PCDHA1: variants seen among roughly 807,000 people sequenced by gnomAD.
PCDHA1 encodes the protein protocadherin alpha-1.
A neutral mutation model predicts 61.3 loss-of-function variants in PCDHA1; 42 were observed. The observed-to-expected ratio is 0.69, with a 90% CI of 0.54 to 0.89. The LOEUF is 0.89. PCDHA1 is among the 40% of genes least tolerant of loss of function. The pLI is 0.00. For missense variants in PCDHA1, 1,256 were observed against 1,235.3 expected, an observed-to-expected ratio of 1.02 and a Z score of -0.25; for synonymous variants, 610 against 553.8, an observed-to-expected ratio of 1.10 and a Z score of -1.43.
chr5:141,011,237 A>G lies in PCDHA1; in HGVS notation c.*1300A>G, dbSNP rs562746586. Reference sequence around the variant, plus strand: ...GATTTTTCAATCTACTAATTCTGTGACTTGTCTTGGTGTGCTAGCCTACAC... The same window carrying G: ...GATTTTTCAATCTACTAATTCTGTGGCTTGTCTTGGTGTGCTAGCCTACAC... On this transcript the variant is annotated 3_prime_UTR_variant, in exon 4 of 4. Transcript: ENST00000504120. The G allele has an allele frequency of 6.5e-6, 1 of 153,754 alleles. No homozygotes were observed. Among genetic ancestry groups the G allele is most frequent in the South Asian group, 2.1e-4 (1 of 4,812 alleles). The allele number at this position is 153,754 out of a possible 1,614,324, so 9.5% of individuals were successfully genotyped here.
At chr5:140,938,876 AAC>A (rs142461507) in intron 1 of PCDHA1, among the ~76,000 whole-genome samples, 10 of 151,120 alleles carry the variant, frequency 6.6e-5, no homozygotes, top group Non-Finnish European at 1.3e-4. Flanking sequence ...GTTAAGAAGC[AAC>A]ACACACACAC....
chr5:140,802,431 C>G (rs782361767), intron 1 of PCDHA1: 10 of 1,614,104 alleles, frequency 6.2e-6, no homozygotes, highest in African/African-American at 1.3e-5. Context: ...GCTGGACAGC[C>G]CTCTGGACCG....
chr5:140,887,787 C>T (rs782343895), intron 1 of PCDHA1, among the ~76,000 whole-genome samples: 8 of 152,080 alleles, frequency 5.3e-5, no homozygotes, highest in African/African-American at 9.7e-5. Flanking sequence ...GTCATTGAAG[C>T]GTTCTTTATT....
At chr5:140,798,882 T>G (rs1442402846) in intron 1 of PCDHA1, among the ~76,000 whole-genome samples, 1 of 152,242 alleles carries the variant, frequency 6.6e-6, no homozygotes, top group Non-Finnish European at 1.5e-5. Context: ...TTCTTAGTTA[T>G]TTGCTGTTTA....
chr5:140,801,657 C>G, intron 1 of PCDHA1: 1 of 1,614,150 alleles, frequency 6.2e-7, no homozygotes, highest in Non-Finnish European at 8.5e-7. Context: ...TCGGTTTTCG[C>G]TAGAGGGCGC....
At chr5:140,846,935 A>G (rs2150395961) in intron 1 of PCDHA1, among the ~76,000 whole-genome samples, 1 of 149,782 alleles carries the variant, frequency 6.7e-6, no homozygotes, top group African/African-American at 2.4e-5. Flanking sequence ...TTTTGAAGAA[A>G]TACTTGAAGG....
intron 1 of PCDHA1, chr5:140,829,805 G>A: frequency 6.2e-7 from 1 of 1,613,860 alleles, no homozygotes; most frequent in Non-Finnish European, 8.5e-7. Context: ...TCGGGTGGGT[G>A]GTACTGGTGG....
At chr5:140,809,691 T>A in intron 1 of PCDHA1, 1 of 1,253,736 alleles carries the variant, frequency 8.0e-7, no homozygotes, top group Non-Finnish European at 1.1e-6. Flanking sequence ...TTTTTACATA[T>A]CCATTTTAAC....
chr5:140,996,175 C>T (rs1296990069), intron 3 of PCDHA1, among the ~76,000 whole-genome samples: 2 of 152,336 alleles, frequency 1.3e-5, no homozygotes, highest in Middle Eastern at 3.4e-3. Flanking sequence ...GTGCTGACAG[C>T]ACCTCCATTT....
intron 1 of PCDHA1, among the ~76,000 whole-genome samples, chr5:140,889,948 A>G (rs956594809): frequency 6.6e-6 from 1 of 152,194 alleles, no homozygotes; most frequent in Admixed American, 6.6e-5. Flanking sequence ...TGAGAAGCCA[A>G]ATGGATAGAA....
At chr5:140,970,802 AC>A (rs1407360459) in intron 1 of PCDHA1, among the ~76,000 whole-genome samples, 1 of 152,216 alleles carries the variant, frequency 6.6e-6, no homozygotes, top group Non-Finnish European at 1.5e-5. Flanking sequence ...CCATATTGTT[AC>A]ATTTCAAGTT....
intron 1 of PCDHA1, chr5:140,809,138 G>C (rs1581700225): frequency 6.2e-7 from 1 of 1,613,930 alleles, no homozygotes; most frequent in African/African-American, 1.3e-5. Context: ...ACTGGTACTG[G>C]TGAAGGACCA....
At chr5:140,814,561 G>T (rs1385354330) in intron 1 of PCDHA1, 1 of 151,692 alleles carries the variant, frequency 6.6e-6, no homozygotes, top group Non-Finnish European at 1.5e-5. Flanking sequence ...TCTGTATCAA[G>T]TATTATGTAC....
rs782065685 is a variant in PCDHA1, at chr5:140,870,421, G to T, written c.2394+81737G>T. 9.3e-6 allele frequency: 15 copies of T among 1,614,096 alleles called. No individual in the cohort carries two copies. The highest frequency in any genetic ancestry group is 1.3e-5 in the Non-Finnish European group (15 of 1,180,046). On this transcript the variant is annotated intron_variant, in intron 1 of 3. Coordinates refer to ENST00000504120, the MANE Select transcript of PCDHA1 (RefSeq NM_018900.4). ...GCCTTCTCTGTGGGCCACGGCCAGG[G>T]TATCCGTGGAGGTGGCCGACGTGAA...
intron 1 of PCDHA1, among the ~76,000 whole-genome samples, chr5:140,846,410 T>C (rs1476345835): frequency 7.2e-6 from 1 of 138,236 alleles, no homozygotes; most frequent in Non-Finnish European, 1.6e-5. Flanking sequence ...AGTCTCGCTC[T>C]ATCTCCCAGG....
intron 1 of PCDHA1, among the ~76,000 whole-genome samples, chr5:140,905,357 A>G (rs1280254509): frequency 1.3e-5 from 2 of 152,052 alleles, no homozygotes; most frequent in African/African-American, 4.8e-5. Flanking sequence ...GTATTTGACT[A>G]TATTTCTGGT....
intron 1 of PCDHA1, chr5:140,861,521 G>A: frequency 2.2e-6 from 1 of 460,574 alleles, no homozygotes; most frequent in Admixed American, 2.2e-5. Flanking sequence ...TGTGTGGGAG[G>A]ATCTCGGAGT....
chr5:140,975,056 A>C (rs1006106436), intron 1 of PCDHA1, among the ~76,000 whole-genome samples: 1 of 152,154 alleles, frequency 6.6e-6, no homozygotes, highest in Non-Finnish European at 1.5e-5. Flanking sequence ...AGAATCTACT[A>C]TCGAGCTCAT....
Position 140,850,357 on chromosome 5 carries a change from C to T in PCDHA1, c.2394+61673C>T, listed in dbSNP as rs146638035. On this transcript the variant is annotated intron_variant, in intron 1 of 3. Coordinates refer to ENST00000504120, the MANE Select transcript of PCDHA1 (RefSeq NM_018900.4). ...CCAGAAACGGCCAGCGCGAGCATCC[C>T]GTTCCGCGTGGGGCTGTACACGGGC... 66 of 1,597,856 alleles carry T rather than the reference C, an allele frequency of 4.1e-5. 3 individuals carry two copies. The African/African-American group carries it at 6.2e-4, about 15-fold the overall frequency.
Sources: gnomAD v4.1 joint callset for allele counts (sites outside exome capture counted in the v4.1 genomes callset) on GRCh38, gnomAD v4.1.1 for gene constraint, MANE v1.5 for transcripts, NCBI Gene and HGNC (gene_info 2026-07-23, HGNC 2026-07-21) for gene names.